DNAH14: variants seen among roughly 807,000 people sequenced by gnomAD.
The protein encoded by DNAH14 is dynein axonemal heavy chain 14.
DNAH14 carries 478 observed loss-of-function variants against 520.9 expected under a neutral mutation model. The ratio of observed to expected loss-of-function variants is 0.92; its 90% CI spans 0.85 to 0.99. The LOEUF (loss-of-function observed/expected upper bound fraction) is 0.99. Among genes scored for constraint, DNAH14 ranks in the 50% least tolerant of loss-of-function variants. The pLI, the probability that DNAH14 is intolerant of heterozygous loss-of-function variation, is 0.00. For synonymous variants in DNAH14, 1,581 were observed against 1,757.2 expected, an observed-to-expected ratio of 0.90 and a Z score of 2.51; for missense variants, 4,831 against 5,234.5, an observed-to-expected ratio of 0.92 and a Z score of 2.38.
intron 1 of DNAH14, 34 bp downstream of exon 1, chr1:224,929,869 G>T: frequency 1.6e-6 from 1 of 640,790 alleles, no homozygotes; most frequent in Non-Finnish European, 2.8e-6. Flanking sequence ...TCAGCGGTCG[G>T]CAGAGCCTCG....
intron 41 of DNAH14, among the ~76,000 whole-genome samples, chr1:225,213,213 G>A (rs575446820): frequency 3.3e-5 from 5 of 152,198 alleles, no homozygotes; most frequent in Admixed American, 3.3e-4. Context: ...AAGATCAGAT[G>A]GTTGTAGATG....
chr1:225,014,632 T>A (rs756396540), intron 10 of DNAH14, among the ~76,000 whole-genome samples: 1 of 152,236 alleles, frequency 6.6e-6, no homozygotes, highest in Non-Finnish European at 1.5e-5. Flanking sequence ...TTGTTATTGA[T>A]GTCTAGCTCT....
chr1:225,277,822 G>T (rs947878863), intron 54 of DNAH14, among the ~76,000 whole-genome samples: 7 of 152,216 alleles, frequency 4.6e-5, no homozygotes, highest in Admixed American at 2.6e-4. Context: ...ATTTAGAAAT[G>T]TGAGCTTTTG....
chr1:224,998,396 T>C (rs1394103569), intron 8 of DNAH14, among the ~76,000 whole-genome samples: 1 of 152,184 alleles, frequency 6.6e-6, no homozygotes, highest in Admixed American at 6.5e-5. Flanking sequence ...GCCTCTTTAA[T>C]GTAAGCATTC....
intron 8 of DNAH14, among the ~76,000 whole-genome samples, chr1:224,990,165 A>T (rs1453226082): frequency 3.3e-5 from 5 of 152,012 alleles, no homozygotes; most frequent in African/African-American, 1.2e-4. Context: ...AAATGATATT[A>T]TATATTTACT....
At chr1:225,387,169 T>G (rs1170613711) in intron 81 of DNAH14, among the ~76,000 whole-genome samples, 2 of 151,242 alleles carry the variant, frequency 1.3e-5, no homozygotes, top group African/African-American at 4.9e-5. Flanking sequence ...TTCTCACTCA[T>G]AGGTGGGAAC....
chr1:225,205,801 T>C (rs2087476028), intron 39 of DNAH14, among the ~76,000 whole-genome samples, 170 bp from the exon 40 acceptor site: 1 of 152,226 alleles, frequency 6.6e-6, no homozygotes, highest in African/African-American at 2.4e-5. Context: ...TAAATATTTA[T>C]TCATATTCAG....
chr1:225,176,975 G>A (rs1289025757), intron 36 of DNAH14, among the ~76,000 whole-genome samples: 1 of 152,162 alleles, frequency 6.6e-6, no homozygotes, highest in Admixed American at 6.5e-5. Flanking sequence ...CTGGGTAACA[G>A]GCAGAGGTTG....
chr1:225,336,043 A>G (rs1204126525), intron 66 of DNAH14, among the ~76,000 whole-genome samples: 2 of 101,050 alleles, frequency 2.0e-5, no homozygotes, highest in Non-Finnish European at 3.7e-5. Context: ...ACACACATAT[A>G]TGCATATATA....
intron 8 of DNAH14, among the ~76,000 whole-genome samples, chr1:225,002,146 A>T (rs2063818189): frequency 6.6e-6 from 1 of 152,104 alleles, no homozygotes; most frequent in Non-Finnish European, 1.5e-5. Flanking sequence ...TCTTCTCCAC[A>T]CACTGTTGCA....
chr1:225,079,637 G>A (rs1309602683), intron 18 of DNAH14, 89 bp downstream of exon 18: 64 of 894,764 alleles, frequency 7.2e-5, no homozygotes, highest in Non-Finnish European at 1.0e-4. Context: ...TTTGCTTTCA[G>A]TGGAATTTTG....
chr1:225,041,793 C>A (rs1009804028), intron 12 of DNAH14, among the ~76,000 whole-genome samples: 14 of 152,032 alleles, frequency 9.2e-5, no homozygotes, highest in Non-Finnish European at 1.9e-4. Context: ...CCAGTATTCC[C>A]AGAGTTAGTT....
intron 1 of DNAH14, among the ~76,000 whole-genome samples, chr1:224,949,392 T>A (rs963922350): frequency 6.6e-6 from 1 of 152,188 alleles, no homozygotes; most frequent in Non-Finnish European, 1.5e-5. Flanking sequence ...GAACATATGT[T>A]CATTCTGCTT....
intron 17 of DNAH14, among the ~76,000 whole-genome samples, chr1:225,074,035 T>C (rs2071910770): frequency 7.4e-6 from 1 of 135,980 alleles, no homozygotes; most frequent in Non-Finnish European, 1.6e-5. Flanking sequence ...AGTCTCGCTC[T>C]GTCGCCCAGG....
In DNAH14 at chr1:224,964,480, A is replaced by G. The variant is rs756247067; in HGVS notation, c.369A>G (p.Glu123=). The change falls in exon 5 of 86, where the codon GAA becomes GAG. Residue 123 remains glutamate (E), a splice_region_variant and synonymous_variant. Coordinates refer to ENST00000682510, the MANE Select transcript of DNAH14 (RefSeq NM_001367479.1). ...KARPVSYDRT[E]PKDDDVIRNI... is the part of the protein sequence containing the mutation. Reference sequence around the variant, plus strand: ...GATTTTTAAATTGTTCTATACCAGAACCAAAAGATGATGATGTGATAAGAA... The same window carrying G: ...GATTTTTAAATTGTTCTATACCAGAGCCAAAAGATGATGATGTGATAAGAA... The G allele has an allele frequency of 3.1e-6, 5 of 1,607,688 alleles. No homozygotes were observed. The highest frequency in any genetic ancestry group is 4.2e-6 in the Non-Finnish European group (5 of 1,176,500).
At chr1:225,086,766 AC>A (rs1458340242) in intron 21 of DNAH14, among the ~76,000 whole-genome samples, 1 of 152,098 alleles carries the variant, frequency 6.6e-6, no homozygotes, top group Non-Finnish European at 1.5e-5. Flanking sequence ...AAAATAAAAC[AC>A]CCACAATAGA....
chr1:224,933,016 T>C (rs554008331), intron 1 of DNAH14, among the ~76,000 whole-genome samples: 2 of 152,172 alleles, frequency 1.3e-5, no homozygotes, highest in Non-Finnish European at 2.9e-5. Flanking sequence ...AAATTGCTTT[T>C]GGCAATACGG....
intron 17 of DNAH14, among the ~76,000 whole-genome samples, chr1:225,059,074 A>T (rs1204093279): frequency 1.3e-5 from 2 of 152,140 alleles, no homozygotes; most frequent in East Asian, 3.8e-4. Context: ...CAATTGCTGG[A>T]TATCCTTGTT....
intron 37 of DNAH14, 39 bp downstream of exon 37, chr1:225,185,464 C>A: frequency 6.8e-7 from 1 of 1,480,560 alleles, no homozygotes; most frequent in South Asian, 1.4e-5. Flanking sequence ...TCTATTTGTT[C>A]ATATCTTATT....
Sources: gnomAD v4.1 joint callset for allele counts (sites outside exome capture counted in the v4.1 genomes callset) on GRCh38, gnomAD v4.1.1 for gene constraint, MANE v1.5 for transcripts, NCBI Gene and HGNC (gene_info 2026-07-23, HGNC 2026-07-21) for gene names.